DPP10: variants seen among roughly 807,000 people sequenced by gnomAD.
The protein encoded by DPP10 is dipeptidyl peptidase like 10.
DPP10 carries 33 observed loss-of-function variants against 120.9 expected under a neutral mutation model. The observed-to-expected ratio is 0.27, with a 90% confidence interval of 0.21 to 0.37. The LOEUF (loss-of-function observed/expected upper bound fraction) is 0.37, where lower values mean the gene tolerates loss of function less well. Among genes scored for constraint, DPP10 ranks in the 10% least tolerant of loss-of-function variants. The pLI is 1.00. For synonymous variants in DPP10, 337 were observed against 326.1 expected, an observed-to-expected ratio of 1.03 and a Z score of -0.36; for missense variants, 816 against 942.8, an observed-to-expected ratio of 0.87 and a Z score of 1.76.
intron 1 of DPP10, among the ~76,000 whole-genome samples, chr2:115,130,536 CCATCCATT>C (rs1009341706): frequency 6.7e-6 from 1 of 148,656 alleles, no homozygotes; most frequent in Non-Finnish European, 1.5e-5. Context: ...ATCCATCCAT[CCATCCATT>C]CATCTTCAGC....
intron 1 of DPP10, among the ~76,000 whole-genome samples, chr2:114,465,345 C>G (rs1445756983): frequency 1.3e-5 from 2 of 152,178 alleles, no homozygotes; most frequent in African/African-American, 4.8e-5. Context: ...TTTCTTTCAG[C>G]CTCCTGATTT....
At chr2:114,942,320 TACACACAC>T (rs1194601135) in intron 1 of DPP10, among the ~76,000 whole-genome samples, 33 of 123,906 alleles carry the variant, frequency 2.7e-4, no homozygotes, top group African/African-American at 9.4e-4. Context: ...TATATATATA[TACACACAC>T]ATATATATAT....
chr2:115,162,325 G>T lies in DPP10; in HGVS notation c.61-146914G>T. The T allele has an allele frequency of 1.4e-6, 2 of 1,467,866 alleles. 1 individual carries two copies. The highest frequency in any genetic ancestry group is 1.8e-6 in the Non-Finnish European group (2 of 1,107,852). 90.9% of individuals were successfully genotyped at this position (1,467,866 alleles called of 1,614,324 possible). A position where few individuals can be genotyped will look rare whatever the true frequency, so the allele number is the denominator to read the frequency against. On this transcript the variant is annotated intron_variant, in intron 1 of 25. Transcript: ENST00000410059. ...CCCGGCGGGCGGCCCACCGAGGGAG[G>T]GAGAGGCGGCCGGGACCAAGGAATG... is the stretch of plus-strand genomic sequence containing the variant.
intron 1 of DPP10, among the ~76,000 whole-genome samples, chr2:115,033,935 G>A (rs1704039581): frequency 9.4e-6 from 1 of 106,816 alleles, no homozygotes; most frequent in Non-Finnish European, 1.7e-5. Context: ...GTCTTGCTCT[G>A]TCACCAGGCT....
At chr2:114,830,598 G>A (rs536690933) in intron 1 of DPP10, among the ~76,000 whole-genome samples, 1 of 152,210 alleles carries the variant, frequency 6.6e-6, no homozygotes, top group Non-Finnish European at 1.5e-5. Flanking sequence ...GCACACAGTA[G>A]GTTCATAAGA....
At chr2:115,461,131 A>T (rs1003127386) in intron 3 of DPP10, among the ~76,000 whole-genome samples, 2 of 152,186 alleles carry the variant, frequency 1.3e-5, no homozygotes, top group Non-Finnish European at 2.9e-5. Flanking sequence ...AAAAAGATGA[A>T]TAAAACAAGT....
rs539410429 is a variant in DPP10, at chr2:114,499,533, T to A, written c.60+56695T>A. Among the ~76,000 whole-genome samples, 14 of 151,978 alleles carry A rather than the reference T, an allele frequency of 9.2e-5. No homozygotes were observed. The South Asian group carries it at 2.3e-3, about 25-fold the overall frequency. ...CTTCTGCTGTTTTGGGACTGCGCCATCTCCCAATAAAATGTTAGCACAAGA... is the reference window on the plus strand; with the variant it reads ...CTTCTGCTGTTTTGGGACTGCGCCAACTCCCAATAAAATGTTAGCACAAGA... On this transcript the variant is annotated intron_variant, in intron 1 of 25. Transcript: ENST00000410059.
At chr2:114,999,454 TGAG>T (rs1164066694) in intron 1 of DPP10, among the ~76,000 whole-genome samples, 7 of 152,218 alleles carry the variant, frequency 4.6e-5, no homozygotes, top group Admixed American at 3.9e-4. Flanking sequence ...AAATTCCAAC[TGAG>T]GTTTCCTTTT....
At chr2:115,649,713 A>G (rs553252092) in intron 5 of DPP10, among the ~76,000 whole-genome samples, 1 of 152,232 alleles carries the variant, frequency 6.6e-6, no homozygotes, top group South Asian at 2.1e-4. Context: ...GCCCTATATT[A>G]TGTAGTCAGA....
At chr2:115,380,863 G>A (rs542665589) in intron 3 of DPP10, among the ~76,000 whole-genome samples, 2 of 152,046 alleles carry the variant, frequency 1.3e-5, no homozygotes, top group Admixed American at 6.5e-5. Context: ...TTTTCTTTAG[G>A]AATGTTGAAT....
At position 114,754,240 on chromosome 2, in the gene DPP10, G is replaced by A. The variant is rs187240476; in HGVS notation, c.60+311402G>A. Among the ~76,000 whole-genome samples, 268 of 152,244 alleles carry A rather than the reference G, an allele frequency of 1.8e-3. 2 individuals carry two copies. The highest frequency in any genetic ancestry group is 6.1e-3 in the African/African-American group (252 of 41,544). The stretch of plus-strand genomic sequence containing the variant: ...CAGCATGGGCCGAGGCTTAGTACAA[G>A]GGACCCGAGAGACAGGCGGACACAC... On this transcript the variant is annotated intron_variant, in intron 1 of 25. Coordinates refer to ENST00000410059, the MANE Select transcript of DPP10 (RefSeq NM_020868.6).
At chr2:114,777,237 C>A (rs1010605062) in intron 1 of DPP10, among the ~76,000 whole-genome samples, 1 of 152,100 alleles carries the variant, frequency 6.6e-6, no homozygotes, top group African/African-American at 2.4e-5. Flanking sequence ...CAACAAGTCA[C>A]ATTCAAACCT....
chr2:114,862,724 A>G (rs1010961550), intron 1 of DPP10, among the ~76,000 whole-genome samples: 1 of 152,204 alleles, frequency 6.6e-6, no homozygotes, highest in Admixed American at 6.5e-5. Flanking sequence ...GGAGAAATGT[A>G]GGCTGAAGAT....
chr2:115,449,367 G>A (rs1422122542), intron 3 of DPP10, among the ~76,000 whole-genome samples: 1 of 151,938 alleles, frequency 6.6e-6, no homozygotes, highest in East Asian at 1.9e-4. Flanking sequence ...ATATGCTAAG[G>A]GGATAAACAA....
chr2:115,554,932 C>G (rs1348943590), intron 5 of DPP10, among the ~76,000 whole-genome samples: 1 of 152,078 alleles, frequency 6.6e-6, no homozygotes, highest in Non-Finnish European at 1.5e-5. Flanking sequence ...CTGCTGATGT[C>G]CTTTCCCATA....
intron 1 of DPP10, among the ~76,000 whole-genome samples, chr2:114,504,980 A>G (rs1683510121): frequency 7.3e-6 from 1 of 136,758 alleles, no homozygotes; most frequent in Non-Finnish European, 1.5e-5. Flanking sequence ...TGAACCGGGG[A>G]GGCAGAGGTT....
chr2:115,776,322 C>T (rs1008293660), intron 13 of DPP10, among the ~76,000 whole-genome samples: 5 of 152,100 alleles, frequency 3.3e-5, no homozygotes, highest in Admixed American at 1.3e-4. Flanking sequence ...TCCTGACAGG[C>T]GCCATTGTTC....
At chr2:115,226,418 G>A (rs140269901) in intron 1 of DPP10, among the ~76,000 whole-genome samples, 1 of 152,264 alleles carries the variant, frequency 6.6e-6, no homozygotes, top group African/African-American at 2.4e-5. Context: ...TTCTTGGTCA[G>A]AAAAGTTGCC....
intron 1 of DPP10, among the ~76,000 whole-genome samples, chr2:114,797,623 G>A (rs2106264990): frequency 6.6e-6 from 1 of 152,266 alleles, no homozygotes; most frequent in African/African-American, 2.4e-5. Context: ...AAATAACACA[G>A]TTCTAGATTA....
Sources: gnomAD v4.1 joint callset for allele counts (sites outside exome capture counted in the v4.1 genomes callset) on GRCh38, gnomAD v4.1.1 for gene constraint, MANE v1.5 for transcripts, NCBI Gene and HGNC (gene_info 2026-07-23, HGNC 2026-07-21) for gene names.